The following ZBBX variants were observed in gnomAD, a reference collection of about 807,000 sequenced individuals.
ZBBX encodes the protein zinc finger B-box domain-containing protein 1.
ZBBX carries 101 observed loss-of-function variants against 108.5 expected under a neutral mutation model. The observed-to-expected ratio is 0.93, with a 90% CI of 0.79 to 1.10. The LOEUF (loss-of-function observed/expected upper bound fraction) is 1.10. ZBBX is among the 50% of genes least tolerant of loss of function. The pLI is 0.00. For missense variants in ZBBX, 1,009 were observed against 941.4 expected, an observed-to-expected ratio of 1.07 and a Z score of -0.94; for synonymous variants, 356 against 323.4, an observed-to-expected ratio of 1.10 and a Z score of -1.08.
At chr3:167,234,439 C>T in the ZBBX span, among the ~76,000 whole-genome samples, 4 of 151,780 alleles carry the variant, frequency 2.6e-5, no homozygotes, top group Admixed American at 2.0e-4. Context: ...TTGAGAAATC[C>T]TAAGGTGAAA....
rs1287295923 is a variant in ZBBX at position 167,280,955 on chromosome 3, G to T, written c.2254+1283C>A. ...AATGATGAGTTCATGTCCTTTGTAG[G>T]GACATGGATGAAATTGGAAATCATC... On this transcript the variant is annotated intron_variant, in intron 20 of 21. Transcript: ENST00000675490. Among the ~76,000 whole-genome samples the T allele has an allele frequency of 2.6e-5, 4 of 152,118 alleles. No homozygotes were observed. In the East Asian group the frequency reaches 7.7e-4, roughly 29 times the overall value.
Position 167,240,654 on chromosome 3 carries a change from A to T in ZBBX, c.*139T>A. The T allele has an allele frequency of 3.1e-6, 3 of 969,026 alleles. No homozygotes were observed. The highest frequency in any genetic ancestry group is 4.5e-6 in the Non-Finnish European group (3 of 669,618). 60.0% of individuals were successfully genotyped at this position (969,026 alleles called of 1,614,324 possible). A position where few individuals can be genotyped will look rare whatever the true frequency, so the allele number is the denominator to read the frequency against. On this transcript the variant is annotated 3_prime_UTR_variant, in exon 22 of 22. Transcript: ENST00000675490. ...CCCTTGAACTTATAATTTTACTTTT[A>T]TTAGTTTGTAGCCTTGAAACATCAA...
chr3:167,191,992 CATTTT>C, the ZBBX span, among the ~76,000 whole-genome samples: 2 of 135,448 alleles, frequency 1.5e-5, no homozygotes, highest in Non-Finnish European at 3.1e-5. Flanking sequence ...AAAACCTCTT[CATTTT>C]ATCTCAATCT....
chr3:167,232,164 T>C, the ZBBX span, among the ~76,000 whole-genome samples: 3 of 151,876 alleles, frequency 2.0e-5, no homozygotes, highest in African/African-American at 7.2e-5. Context: ...ACTGCTTTTT[T>C]ATTAACTTTA....
intron 9 of ZBBX, among the ~76,000 whole-genome samples, chr3:167,338,072 C>T (rs1209102820): frequency 1.3e-5 from 2 of 152,130 alleles, no homozygotes; most frequent in African/African-American, 4.8e-5. Context: ...GCCTTCAAGG[C>T]ACATAGTAAA....
chr3:167,227,199 A>T, the ZBBX span, among the ~76,000 whole-genome samples: 1 of 151,816 alleles, frequency 6.6e-6, no homozygotes, highest in East Asian at 1.9e-4. Flanking sequence ...TCCTACGCAG[A>T]GTCTAGTACA....
intron 20 of ZBBX, among the ~76,000 whole-genome samples, chr3:167,247,857 C>G (rs1721858865): frequency 6.6e-6 from 1 of 152,174 alleles, no homozygotes; most frequent in Admixed American, 6.5e-5. Context: ...TCCAAAACCT[C>G]CCACTTCTCT....
chr3:167,357,972 A>T (rs1313352038), intron 8 of ZBBX, among the ~76,000 whole-genome samples: 2 of 152,184 alleles, frequency 1.3e-5, no homozygotes, highest in African/African-American at 4.8e-5. Context: ...TGGGAATTGA[A>T]CAATGAATAC....
intron 20 of ZBBX, among the ~76,000 whole-genome samples, chr3:167,265,695 A>G (rs545828680): frequency 6.6e-6 from 1 of 152,294 alleles, no homozygotes; most frequent in African/African-American, 2.4e-5. Context: ...TTGCCTTTCA[A>G]GTTTACCTAT....
intron 11 of ZBBX, among the ~76,000 whole-genome samples, chr3:167,322,582 G>A (rs1736630487): frequency 1.3e-5 from 2 of 152,006 alleles, no homozygotes; most frequent in South Asian, 2.1e-4. Context: ...GATGTATAAA[G>A]TGTTATAGCC....
chr3:167,288,608 C>T (rs1051253251), intron 19 of ZBBX, among the ~76,000 whole-genome samples: 1 of 152,140 alleles, frequency 6.6e-6, no homozygotes, highest in African/African-American at 2.4e-5. Flanking sequence ...TCCTTAACTA[C>T]ATTTTGCAAA....
chr3:167,340,244 A>G (rs1028644979), intron 9 of ZBBX, among the ~76,000 whole-genome samples: 5 of 152,182 alleles, frequency 3.3e-5, no homozygotes, highest in Non-Finnish European at 7.4e-5. Flanking sequence ...TAAGGAAATT[A>G]CTACACCAAG....
chr3:167,310,970 A>G (rs187562037), intron 16 of ZBBX, among the ~76,000 whole-genome samples: 418 of 152,256 alleles, frequency 2.7e-3, no homozygotes, highest in Non-Finnish European at 4.1e-3. Context: ...CCGCCTTTTT[A>G]TAGAGAAACA....
At chr3:167,313,690 T>A (rs1734973809) in intron 16 of ZBBX, among the ~76,000 whole-genome samples, 1 of 152,190 alleles carries the variant, frequency 6.6e-6, no homozygotes, top group African/African-American at 2.4e-5. Context: ...CCAGTCAGAC[T>A]TTTGTCACTG....
At chr3:167,197,816 T>C in the ZBBX span, among the ~76,000 whole-genome samples, 3 of 152,226 alleles carry the variant, frequency 2.0e-5, no homozygotes, top group African/African-American at 7.2e-5. Flanking sequence ...TATATTACTT[T>C]CTAATGTTGT....
intron 19 of ZBBX, among the ~76,000 whole-genome samples, chr3:167,284,203 T>TAG (rs1373886093): frequency 6.6e-6 from 1 of 150,462 alleles, no homozygotes; most frequent in African/African-American, 2.4e-5. Context: ...TATATATATA[T>TAG]ATAATTATCC....
At chr3:167,228,773 G>T in the ZBBX span, among the ~76,000 whole-genome samples, 762 of 151,856 alleles carry the variant, frequency 5.0e-3, 5 homozygotes, top group Non-Finnish European at 6.9e-3. Flanking sequence ...AAGAAAGACA[G>T]CCCATGACCC....
intron 20 of ZBBX, among the ~76,000 whole-genome samples, chr3:167,277,275 C>A (rs1727775275): frequency 6.6e-6 from 1 of 151,470 alleles, no homozygotes. Context: ...GGACTAAATG[C>A]TCCAATTAAA....
intron 18 of ZBBX, among the ~76,000 whole-genome samples, chr3:167,295,780 T>A: frequency 7.5e-6 from 1 of 132,528 alleles, no homozygotes; most frequent in East Asian, 2.3e-4. Context: ...GTAAGGAGAT[T>A]AAATCTGTTA....
Sources: allele counts gnomAD v4.1 joint callset (sites outside exome capture counted in the v4.1 genomes callset), GRCh38; gene constraint gnomAD v4.1.1; transcripts MANE v1.5; gene names NCBI Gene and HGNC (gene_info 2026-07-23, HGNC 2026-07-21).